The following SDK1 variants were observed in gnomAD, a reference collection of about 807,000 sequenced individuals.
SDK1 encodes the protein protein sidekick-1.
In SDK1, 157 loss-of-function variants were observed where a neutral mutation model predicts 245.5. The observed-to-expected ratio is 0.64, with a 90% confidence interval of 0.56 to 0.73. SDK1 has a LOEUF of 0.73. Among genes scored for constraint, SDK1 ranks in the 30% least tolerant of loss-of-function variants. SDK1 has a pLI of 0.00. For missense variants in SDK1, 3,583 were observed against 3,002.3 expected (o/e 1.19, Z -4.52); for synonymous variants, 1,647 against 1,278.5 (o/e 1.29, Z -6.15).
intron 1 of SDK1, among the ~76,000 whole-genome samples, chr7:3,421,259 A>G (rs1779527604): frequency 6.6e-6 from 1 of 151,836 alleles, no homozygotes; most frequent in African/African-American, 2.4e-5. Flanking sequence ...TTTAATAGAG[A>G]CAGGGTTTCA....
At chr7:3,436,689 A>C (rs113325367) in intron 1 of SDK1, among the ~76,000 whole-genome samples, 24 of 152,206 alleles carry the variant, frequency 1.6e-4, no homozygotes, top group Non-Finnish European at 4.4e-5. Context: ...TAATATTTTG[A>C]AGGTGACTGA....
At chr7:4,146,583 C>T (rs1011811909) in intron 29 of SDK1, among the ~76,000 whole-genome samples, 5 of 152,264 alleles carry the variant, frequency 3.3e-5, no homozygotes, top group Admixed American at 2.6e-4. Context: ...CTCGCAGAGG[C>T]TGAGTACCTG....
At chr7:4,108,963 A>G (rs2342503) in intron 22 of SDK1, among the ~76,000 whole-genome samples, 34,000 of 152,136 alleles carry the variant, frequency 0.22, 4,260 homozygotes, top group Middle Eastern at 0.32. Flanking sequence ...GCTTTCCATC[A>G]GTCATGTTTT....
chr7:3,919,557 A>G (rs753693432), intron 5 of SDK1, among the ~76,000 whole-genome samples: 54 of 152,300 alleles, frequency 3.5e-4, no homozygotes, highest in Non-Finnish European at 7.1e-4. Context: ...TGAAAGATAG[A>G]CAATATCCAT....
chr7:3,430,762 C>T (rs573237713), intron 1 of SDK1, among the ~76,000 whole-genome samples: 9 of 152,180 alleles, frequency 5.9e-5, no homozygotes, highest in Middle Eastern at 3.2e-3. Flanking sequence ...CCCTGGGGGC[C>T]GAATCCTGCC....
rs142747962 is a variant in SDK1 at position 3,495,084 on chromosome 7, T to C, written c.299-123996T>C. Reference sequence around the variant, plus strand: ...CTGTTACTCTGGGGTATTCCCTGTCTTGGTTGATGACAGATGCCACCATCC... The same window carrying C: ...CTGTTACTCTGGGGTATTCCCTGTCCTGGTTGATGACAGATGCCACCATCC... On this transcript the variant is annotated intron_variant, in intron 1 of 44. Coordinates refer to ENST00000404826, the MANE Select transcript of SDK1 (RefSeq NM_152744.4). Among the ~76,000 whole-genome samples, 94 of 152,208 alleles carry C rather than the reference T, an allele frequency of 6.2e-4. No individual in the cohort carries two copies. In the Middle Eastern group the frequency reaches 0.01, roughly 17 times the overall value.
chr7:3,933,756 A>T, intron 5 of SDK1, among the ~76,000 whole-genome samples: 1 of 152,234 alleles, frequency 6.6e-6, no homozygotes, highest in East Asian at 1.9e-4. Flanking sequence ...TCCAGGTACT[A>T]CTGCCTTTCA....
intron 1 of SDK1, among the ~76,000 whole-genome samples, chr7:3,370,971 G>A (rs1781212919): frequency 6.6e-6 from 1 of 152,138 alleles, no homozygotes; most frequent in African/African-American, 2.4e-5. Context: ...GCAGGAGGCA[G>A]AGGGAGGTGC....
At chr7:3,859,081 C>G (rs993787405) in intron 5 of SDK1, among the ~76,000 whole-genome samples, 32 of 152,030 alleles carry the variant, frequency 2.1e-4, no homozygotes, top group South Asian at 4.2e-4. Context: ...CCAGGATGGT[C>G]TCGAACTCCT....
intron 2 of SDK1, among the ~76,000 whole-genome samples, chr7:3,632,431 T>G (rs968450900): frequency 6.6e-6 from 1 of 152,200 alleles, no homozygotes; most frequent in African/African-American, 2.4e-5. Context: ...AAAGTTTAAA[T>G]GTAGTCATTC....
At chr7:3,756,507 G>C (rs186521406) in intron 4 of SDK1, among the ~76,000 whole-genome samples, 209 of 151,034 alleles carry the variant, frequency 1.4e-3, no homozygotes, top group African/African-American at 4.9e-3. Flanking sequence ...GTGCGTGTGA[G>C]ACATGTGTGT....
At position 3,441,175 on chromosome 7, in the gene SDK1, A is replaced by G. The variant is rs1583862167; in HGVS notation, c.298+139291A>G. On this transcript the variant is annotated intron_variant, in intron 1 of 44. Transcript: ENST00000404826. ...CACATAACTATTATTACAGTATGTTATAATTCTATTTTATTACTAGTTATT... is the reference window on the plus strand; with the variant it reads ...CACATAACTATTATTACAGTATGTTGTAATTCTATTTTATTACTAGTTATT... Among the ~76,000 whole-genome samples the G allele has an allele frequency of 2.0e-5, 3 of 152,318 alleles. No homozygotes were observed. The East Asian group carries it at 5.8e-4, about 29-fold the overall frequency.
At position 4,218,907 on chromosome 7, in the gene SDK1, C is replaced by T. The variant is rs145461044; in HGVS notation, c.5540-1202C>T. 1.2e-4 allele frequency among the ~76,000 whole-genome samples: 18 copies of T among 151,720 alleles called. No homozygotes were observed. In the East Asian group the frequency reaches 3.3e-3, roughly 28 times the overall value. On this transcript the variant is annotated intron_variant, in intron 38 of 44. Transcript: ENST00000404826. The stretch of plus-strand genomic sequence containing the variant: ...TATCTAACTGTTTTTTTTTTTAATG[C>T]ATCATTTTCAAACTTGTTTAACCAA...
intron 34 of SDK1, 46 bp downstream of exon 34, chr7:4,175,880 CTG>C: frequency 6.5e-7 from 1 of 1,549,412 alleles, no homozygotes; most frequent in Non-Finnish European, 8.9e-7. Flanking sequence ...GGCGCACACA[CTG>C]TGCCCAGAGC....
At chr7:4,125,368 A>C (rs562977475) in intron 25 of SDK1, among the ~76,000 whole-genome samples, 7 of 128,024 alleles carry the variant, frequency 5.5e-5, no homozygotes, top group African/African-American at 2.2e-4. Flanking sequence ...TGGATGGATG[A>C]ATGGATGGGT....
At chr7:3,573,962 A>G (rs977425654) in intron 1 of SDK1, among the ~76,000 whole-genome samples, 1 of 152,040 alleles carries the variant, frequency 6.6e-6, no homozygotes, top group Admixed American at 6.5e-5. Flanking sequence ...AATGCTTACT[A>G]AAGGCAGGGC....
chr7:3,475,309 GA>G (rs1326790378), intron 1 of SDK1, among the ~76,000 whole-genome samples: 1 of 151,992 alleles, frequency 6.6e-6, no homozygotes, highest in African/African-American at 2.4e-5. Context: ...TTGCTCTCTG[GA>G]GCCCTCCCCA....
In SDK1 at chr7:3,967,424, C is replaced by T. The variant is rs1226199181; in HGVS notation, c.1536C>T (p.Thr512=). 1 of 1,610,786 alleles carries T rather than the reference C, an allele frequency of 6.2e-7. No homozygotes were observed. Among genetic ancestry groups the T allele is most frequent in the Admixed American group, 1.7e-5 (1 of 60,024 alleles). Residue 512 remains threonine (T), a synonymous_variant, in exon 10 of 45, where the codon ACC becomes ACT. Transcript: ENST00000404826. Reference sequence around the variant, plus strand: ...CCGGGGCTCCCAAACCCGCCATCACCTGGAAAAGAGGTGGGTAGCATCCAC... The same window carrying T: ...CCGGGGCTCCCAAACCCGCCATCACTTGGAAAAGAGGTGGGTAGCATCCAC... ...EVSGAPKPAI[T]WKRENHILAS...
intron 1 of SDK1, among the ~76,000 whole-genome samples, chr7:3,349,288 CAGGGTCT>C (rs1210934617): frequency 2.6e-5 from 4 of 152,050 alleles, no homozygotes; most frequent in Non-Finnish European, 5.9e-5. Flanking sequence ...GTGGGAAGAG[CAGGGTCT>C]CACCCTTATT....
Sources: gnomAD v4.1 joint callset for allele counts (sites outside exome capture counted in the v4.1 genomes callset) on GRCh38, gnomAD v4.1.1 for gene constraint, MANE v1.5 for transcripts, NCBI Gene and HGNC (gene_info 2026-07-23, HGNC 2026-07-21) for gene names.